The following GASK1A variants were observed in gnomAD, a reference collection of about 807,000 sequenced individuals.
The protein encoded by GASK1A is golgi associated kinase 1A, also known as Golgi-associated kinase 1A.
A neutral mutation model predicts 41.2 loss-of-function variants in GASK1A; 40 were observed. That is an observed-to-expected ratio of 0.97 (90% CI 0.75 to 1.27). The LOEUF is 1.27. GASK1A is among the 50% of genes most tolerant of loss of function. The pLI is 0.00. For synonymous variants in GASK1A, 316 were observed against 307.1 expected, an observed-to-expected ratio of 1.03 and a Z score of -0.30; for missense variants, 678 against 745.1, an observed-to-expected ratio of 0.91 and a Z score of 1.05.
intron 1 of GASK1A, among the ~76,000 whole-genome samples, chr3:43,017,243 T>G (rs1415930697): frequency 7.7e-6 from 1 of 129,294 alleles, no homozygotes; most frequent in East Asian, 2.4e-4. Context: ...TCACATGAAT[T>G]GGCAGTGTGA....
Position 42,984,038 on chromosome 3 carries a change from T to C in GASK1A, c.3+4393T>C, listed in dbSNP as rs1410169689. On this transcript the variant is annotated intron_variant, in intron 1 of 4. Coordinates refer to ENST00000430121, the MANE Select transcript of GASK1A (RefSeq NM_001129908.3). The surrounding 1 kb of genome is among the most constrained non-coding windows in gnomAD (Gnocchi z 4.2). ...GTCTGCTCCCCACCTAAGGTACTAGTAGAGACACAGAGTGCATCAGTTTTC... is the reference window on the plus strand; with the variant it reads ...GTCTGCTCCCCACCTAAGGTACTAGCAGAGACACAGAGTGCATCAGTTTTC... 6.6e-6 allele frequency among the ~76,000 whole-genome samples: 1 copy of C among 152,168 alleles called. No homozygotes were observed. The highest frequency in any genetic ancestry group is 2.4e-5 in the African/African-American group (1 of 41,456).
chr3:43,039,949 A>G (rs1201550078), intron 2 of GASK1A, among the ~76,000 whole-genome samples: 1 of 152,188 alleles, frequency 6.6e-6, no homozygotes, highest in Non-Finnish European at 1.5e-5. Context: ...ATTGTAGTAT[A>G]TAATATTTCC....
rs889078757 is a variant in GASK1A, at chr3:43,057,612, T to C, written c.*1226T>C. The C allele has an allele frequency of 6.6e-6, 1 of 152,252 alleles. No homozygotes were observed. Among genetic ancestry groups the C allele is most frequent in the African/African-American group, 2.4e-5 (1 of 41,464 alleles). The allele number at this position is 152,252 out of a possible 1,614,324, so 9.4% of individuals were successfully genotyped here. A position where few individuals can be genotyped will look rare whatever the true frequency, so the allele number is the denominator to read the frequency against. On this transcript the variant is annotated 3_prime_UTR_variant, in exon 5 of 5. Transcript: ENST00000430121. ...TCTGCATTGTCTTTTTGTTTTAAGATGTTTGCCCTTTGCTTGTTAATTTGT... is the reference window on the plus strand; with the variant it reads ...TCTGCATTGTCTTTTTGTTTTAAGACGTTTGCCCTTTGCTTGTTAATTTGT...
chr3:42,989,963 C>G (rs1019503063), intron 1 of GASK1A, among the ~76,000 whole-genome samples: 1 of 152,094 alleles, frequency 6.6e-6, no homozygotes, highest in African/African-American at 2.4e-5. Flanking sequence ...GGAGGAGTCT[C>G]TGTGTGGTGC....
intron 1 of GASK1A, among the ~76,000 whole-genome samples, chr3:43,013,910 G>A (rs1168337177): frequency 6.6e-6 from 1 of 151,886 alleles, no homozygotes; most frequent in Non-Finnish European, 1.5e-5. Context: ...CACAAGAAGT[G>A]GCTGTTGGAA....
chr3:42,997,022 A>C (rs1254465624), intron 1 of GASK1A, among the ~76,000 whole-genome samples: 1 of 151,942 alleles, frequency 6.6e-6, no homozygotes, highest in East Asian at 1.9e-4. Flanking sequence ...CACATCCCAC[A>C]CTCCCTTCAT....
At chr3:43,039,006 T>C (rs1029685991) in intron 2 of GASK1A, among the ~76,000 whole-genome samples, 1 of 149,120 alleles carries the variant, frequency 6.7e-6, no homozygotes, top group African/African-American at 2.5e-5. Flanking sequence ...TTTATTCTTT[T>C]AGTATAAAAA....
chr3:42,981,960 A>G (rs2089284748), intron 1 of GASK1A, among the ~76,000 whole-genome samples: 1 of 152,134 alleles, frequency 6.6e-6, no homozygotes, highest in Non-Finnish European at 1.5e-5. Flanking sequence ...TATTTCCCTA[A>G]TGCCATCCTA....
At position 43,045,073 on chromosome 3, in the gene GASK1A, G is replaced by A. The variant is rs193178346; in HGVS notation, c.1291-8448G>A. Among the ~76,000 whole-genome samples the A allele has an allele frequency of 9.1e-4, 139 of 152,266 alleles. 1 individual carries two copies. The highest frequency in any genetic ancestry group is 7.0e-3 in the Admixed American group (107 of 15,292). ...GAGGATGTGGGTGTAGAAAGGTAGC[G>A]GTGCATCAAGTGTAGCTGTGATGGT... is the stretch of plus-strand genomic sequence containing the variant. On this transcript the variant is annotated intron_variant, in intron 2 of 4. Coordinates refer to ENST00000430121, the MANE Select transcript of GASK1A (RefSeq NM_001129908.3).
intron 2 of GASK1A, among the ~76,000 whole-genome samples, chr3:43,052,062 C>G (rs1175643943): frequency 6.6e-6 from 1 of 152,172 alleles, no homozygotes. Flanking sequence ...TCCCAGAGAT[C>G]CTCAAGGCCT....
chr3:42,979,730 GGCGCGC>G, intron 1 of GASK1A, 85 bp downstream of exon 1: 3 of 1,223,350 alleles, frequency 2.5e-6, no homozygotes, highest in Non-Finnish European at 2.1e-6. Flanking sequence ...AGCGGCCCAG[GGCGCGC>G]GCAGCCTGCG....
At chr3:43,041,282 T>C (rs1387931406) in intron 2 of GASK1A, among the ~76,000 whole-genome samples, 1 of 152,092 alleles carries the variant, frequency 6.6e-6, no homozygotes, top group Non-Finnish European at 1.5e-5. Context: ...TAGTTCTAGA[T>C]CCCTGAGGAA....
At position 43,053,522 on chromosome 3, in the gene GASK1A, T is replaced by C; in HGVS notation, c.1292T>C (p.Val431Ala). ...RLALFDFLLQVHDRLDRYCCG... is the reference protein window; with the variant it reads ...RLALFDFLLQAHDRLDRYCCG... ...ACCGAAGGCTGGGTGTCTCCACAGG[T>C]CCACGACCGCTTGGATCGCTACTGC... The change falls in exon 3 of 5, where the codon GTC (valine) becomes GCC (alanine). Residue 431 changes from valine to alanine, a missense_variant and splice_region_variant. By Grantham distance (64) the Val-to-Ala change is moderately conservative. Transcript: ENST00000430121. 1 of 1,546,038 alleles carries C rather than the reference T, an allele frequency of 6.5e-7. No individual in the cohort carries two copies. Among genetic ancestry groups the C allele is most frequent in the South Asian group, 1.2e-5 (1 of 83,532 alleles).
At chr3:43,053,702 C>G (rs2089703104) in intron 3 of GASK1A, 59 bp downstream of exon 3, 13 of 1,537,966 alleles carry the variant, frequency 8.5e-6, no homozygotes, top group Non-Finnish European at 1.1e-5. Context: ...CTGTGTCCTT[C>G]AGAAGATGCT....
intron 3 of GASK1A, among the ~76,000 whole-genome samples, chr3:43,055,083 A>G (rs763882706): frequency 7.2e-5 from 11 of 152,214 alleles, no homozygotes; most frequent in Non-Finnish European, 1.2e-4. Flanking sequence ...AGATGGTGCT[A>G]TGGCTTAGCC....
Position 42,979,628 on chromosome 3 carries a change from G to A in GASK1A, c.-15G>A. 3 of 1,243,968 alleles carry A rather than the reference G, an allele frequency of 2.4e-6. No individual in the cohort carries two copies. The highest frequency in any genetic ancestry group is 3.0e-6 in the Non-Finnish European group (3 of 987,670). 77.1% of individuals were successfully genotyped at this position (1,243,968 alleles called of 1,614,324 possible). Reference sequence around the variant, plus strand: ...CTGAGCGCGCCGAGGAGCCGGCCGGGGCACCGCCGGGGACATGGTAGGACT... The same window carrying A: ...CTGAGCGCGCCGAGGAGCCGGCCGGAGCACCGCCGGGGACATGGTAGGACT... On this transcript the variant is annotated 5_prime_UTR_variant, in exon 1 of 5. Transcript: ENST00000430121.
rs186587428 is a variant in GASK1A, at chr3:42,991,822, C to T, written c.3+12177C>T. Among the ~76,000 whole-genome samples the T allele has an allele frequency of 1.4e-3, 206 of 152,290 alleles. 2 individuals are homozygous for T. The highest frequency in any genetic ancestry group is 3.4e-3 in the Middle Eastern group (1 of 294). On this transcript the variant is annotated intron_variant, in intron 1 of 4. Transcript: ENST00000430121. ...GCTCTGTTGTCTGTCCACATAGAGG[C>T]TCAGTGTATGCCTCCTGGGGGACCT...
chr3:42,989,428 T>G (rs2089329471), intron 1 of GASK1A, among the ~76,000 whole-genome samples: 2 of 152,182 alleles, frequency 1.3e-5, no homozygotes, highest in Non-Finnish European at 2.9e-5. Flanking sequence ...TGAGGTAGGA[T>G]TCTTAGAAAC....
At chr3:43,033,649 C>G (rs1290243600) in intron 2 of GASK1A, 96 bp downstream of exon 2, 4 of 1,177,310 alleles carry the variant, frequency 3.4e-6, no homozygotes, top group Admixed American at 3.1e-5. Context: ...GATGGTGACT[C>G]TCCCCCAAGT....
Sources: gnomAD v4.1 joint callset for allele counts (sites outside exome capture counted in the v4.1 genomes callset) on GRCh38, gnomAD v4.1.1 for gene constraint, Gnocchi (gnomAD v3.1) non-coding constraint, MANE v1.5 for transcripts, NCBI Gene and HGNC (gene_info 2026-07-23, HGNC 2026-07-21) for gene names.